ZNF320: variants seen among roughly 807,000 people sequenced by gnomAD.
The protein encoded by ZNF320 is zinc finger protein 320.
A neutral mutation model predicts 6.8 loss-of-function variants in ZNF320; 2 were observed. That is an observed-to-expected ratio of 0.29 (90% CI 0.12 to 0.93). ZNF320 has a LOEUF of 0.93. Among genes scored for constraint, ZNF320 ranks in the 40% least tolerant of loss-of-function variants. The pLI is 0.55. For synonymous variants in ZNF320, 208 were observed against 203.2 expected, an observed-to-expected ratio of 1.02 and a Z score of -0.20; for missense variants, 472 against 611.0, an observed-to-expected ratio of 0.77 and a Z score of 2.40.
At chr19:52,893,442 G>A (rs1568730525) in intron 2 of ZNF320, 1 of 152,042 alleles carries the variant, frequency 6.6e-6, no homozygotes, top group Non-Finnish European at 1.5e-5. Context: ...GAGATCAAGA[G>A]GTTGAGACAA....
At chr19:52,870,477 CAAAAAAA>C (rs35010241) in intron 5 of ZNF320, among the ~76,000 whole-genome samples, 6 of 89,474 alleles carry the variant, frequency 6.7e-5, no homozygotes, top group African/African-American at 2.7e-4. Context: ...GACTCCGTCT[CAAAAAAA>C]AAAAAAAAAA....
At chr19:52,870,361 C>T (rs1446581128) in intron 5 of ZNF320, among the ~76,000 whole-genome samples, 4 of 151,242 alleles carry the variant, frequency 2.6e-5, no homozygotes, top group African/African-American at 4.9e-5. Flanking sequence ...CACCTGTAGT[C>T]ACAGCTACTC....
chr19:52,867,566 G>A (rs571107097), intron 5 of ZNF320, among the ~76,000 whole-genome samples: 1 of 152,194 alleles, frequency 6.6e-6, no homozygotes, highest in South Asian at 2.1e-4. Flanking sequence ...TTGGTCATGG[G>A]TGTTGACTAC....
intron 5 of ZNF320, among the ~76,000 whole-genome samples, chr19:52,884,724 T>C (rs1193380367): frequency 6.6e-6 from 1 of 152,128 alleles, no homozygotes; most frequent in Admixed American, 6.5e-5. Context: ...AGTGCTAGGA[T>C]TAGAGGCATG....
intron 5 of ZNF320, among the ~76,000 whole-genome samples, chr19:52,885,442 C>A (rs529494243): frequency 1.3e-5 from 2 of 151,854 alleles, no homozygotes; most frequent in Non-Finnish European, 2.9e-5. Context: ...TTAGGCCAGG[C>A]GTGGTGGCTC....
chr19:52,863,705 G>A (rs1022412637), exon 6 of ZNF320: 2 of 159,712 alleles, frequency 1.3e-5, no homozygotes, highest in Non-Finnish European at 2.7e-5. Context: ...TTACAGGGTT[G>A]ATCCCACAAC....
At chr19:52,883,843 G>A in intron 5 of ZNF320, 2 of 308,460 alleles carry the variant, frequency 6.5e-6, no homozygotes, top group Non-Finnish European at 6.4e-6. Context: ...AGGTTGCAGT[G>A]AGCCAAGATA....
upstream of ZNF320, among the ~76,000 whole-genome samples, chr19:52,900,890 A>G (rs1279569842): frequency 1.3e-5 from 2 of 150,188 alleles, no homozygotes; most frequent in Non-Finnish European, 3.0e-5. Context: ...TCACATAAAT[A>G]TGATTCTTGA....
upstream of ZNF320, among the ~76,000 whole-genome samples, chr19:52,898,165 G>A (rs1424933039): frequency 2.6e-5 from 4 of 152,182 alleles, no homozygotes; most frequent in Admixed American, 2.6e-4. Flanking sequence ...TCCTGCTGAC[G>A]GCCCACAGAA....
At chr19:52,873,815 C>A (rs116609574), downstream of ZNF320, among the ~76,000 whole-genome samples, 4,098 of 152,196 alleles carry the variant, frequency 0.027, 188 homozygotes, top group African/African-American at 0.092. Flanking sequence ...GCTCACATCA[C>A]TAGGTTATAG....
intron 1 of ZNF320, among the ~76,000 whole-genome samples, chr19:52,896,418 T>C (rs910849874): frequency 6.6e-6 from 1 of 152,122 alleles, no homozygotes; most frequent in Non-Finnish European, 1.5e-5. Flanking sequence ...ATTTTTTAAT[T>C]AAGAAACAAG....
chr19:52,864,752 G>A (rs183060100), intron 5 of ZNF320, among the ~76,000 whole-genome samples: 51 of 152,260 alleles, frequency 3.3e-4, no homozygotes, highest in Non-Finnish European at 5.1e-4. Flanking sequence ...GGTGGCTCAC[G>A]CTTTCAATCT....
intron 5 of ZNF320, among the ~76,000 whole-genome samples, chr19:52,869,486 G>A (rs1045652047): frequency 6.6e-6 from 1 of 152,166 alleles, no homozygotes; most frequent in Non-Finnish European, 1.5e-5. Context: ...AACAGAGACA[G>A]ACTGAGCGCA....
intron 2 of ZNF320, among the ~76,000 whole-genome samples, chr19:52,892,684 G>T (rs985718340): frequency 1.1e-4 from 17 of 152,186 alleles, no homozygotes; most frequent in East Asian, 1.9e-4. Flanking sequence ...AATCTCTATA[G>T]ATTTCCACCT....
At chr19:52,866,154 G>T (rs1418853378) in intron 5 of ZNF320, among the ~76,000 whole-genome samples, 1 of 82,500 alleles carries the variant, frequency 1.2e-5, no homozygotes. Flanking sequence ...ATATATGTAT[G>T]ATTATACATA....
At chr19:52,866,869 C>CAAAAAAAAAAAAAAAAAAA (rs58231328) in intron 5 of ZNF320, among the ~76,000 whole-genome samples, 1 of 108,890 alleles carries the variant, frequency 9.2e-6, no homozygotes, top group Non-Finnish European at 1.9e-5. Context: ...ACAAAACATA[C>CAAAAAAAAAAAAAAAAAAA]AAAAAAAAAA....
chr19:52,879,355 A>C lies in ZNF320; in HGVS notation c.*1241T>G, dbSNP rs1393321293. 1 of 157,068 alleles carries C rather than the reference A, an allele frequency of 6.4e-6. No individual in the cohort carries two copies. The highest frequency in any genetic ancestry group is 1.4e-5 in the Non-Finnish European group (1 of 70,968). 9.7% of individuals were successfully genotyped at this position (157,068 alleles called of 1,614,324 possible). On this transcript the variant is annotated 3_prime_UTR_variant, in exon 6 of 6. Coordinates refer to ENST00000682928, the MANE Select transcript of ZNF320 (RefSeq NM_001351774.2). ...TTGAACATAATGAAAGATGAAAACCACATCATCTCAATACATGGAGAAAAA... is the reference window on the plus strand; with the variant it reads ...TTGAACATAATGAAAGATGAAAACCCCATCATCTCAATACATGGAGAAAAA...
chr19:52,888,024 C>G, intron 5 of ZNF320, 103 bp downstream of exon 5: 1 of 1,548,180 alleles, frequency 6.5e-7, no homozygotes. Context: ...ATCAATACAG[C>G]TTCCATTTTA....
intron 3 of ZNF320, among the ~76,000 whole-genome samples, chr19:52,890,565 C>G (rs1390078355): frequency 6.6e-6 from 1 of 152,198 alleles, no homozygotes; most frequent in Non-Finnish European, 1.5e-5. Flanking sequence ...GGCACAGACT[C>G]AGACCTAACC....
Sources: gnomAD v4.1 joint callset for allele counts (sites outside exome capture counted in the v4.1 genomes callset) on GRCh38, gnomAD v4.1.1 for gene constraint, MANE v1.5 for transcripts, NCBI Gene and HGNC (gene_info 2026-07-23, HGNC 2026-07-21) for gene names.